The following RCBTB1 variants were observed in gnomAD, a reference collection of about 807,000 sequenced individuals.
The protein encoded by RCBTB1 is RCC1 and BTB domain containing protein 1.
RCBTB1 carries 46 observed loss-of-function variants against 62.4 expected under a neutral mutation model. The observed-to-expected ratio is 0.74, with a 90% CI of 0.58 to 0.94. The LOEUF (loss-of-function observed/expected upper bound fraction) is 0.94, where lower values mean the gene tolerates loss of function less well. RCBTB1 is among the 40% of genes least tolerant of loss of function. RCBTB1 has a pLI of 0.00. For synonymous variants in RCBTB1, 222 were observed against 245.8 expected, an observed-to-expected ratio of 0.90 and a Z score of 0.91; for missense variants, 565 against 654.9, an observed-to-expected ratio of 0.86 and a Z score of 1.50.
At chr13:49,567,513 A>G (rs749115693) in intron 2 of RCBTB1, among the ~76,000 whole-genome samples, 193 bp from the exon 3 acceptor site, 11 of 152,064 alleles carry the variant, frequency 7.2e-5, no homozygotes, top group Non-Finnish European at 1.5e-4. Context: ...GGACTTTCCT[A>G]CAAGAGAATA....
intron 2 of RCBTB1, among the ~76,000 whole-genome samples, chr13:49,571,648 G>C (rs985807304): frequency 2.0e-5 from 3 of 152,152 alleles, no homozygotes; most frequent in Admixed American, 1.3e-4. Flanking sequence ...TCCCTGAGAG[G>C]TTTTGTGGGG....
intron 6 of RCBTB1, 56 bp from the exon 7 acceptor site, chr13:49,552,341 G>A: frequency 8.4e-7 from 1 of 1,197,450 alleles, no homozygotes; most frequent in Admixed American, 2.2e-5. Context: ...TAAGAAGGAA[G>A]AGACAAAAAA....
At chr13:49,574,675 G>T (rs1963649432) in intron 2 of RCBTB1, among the ~76,000 whole-genome samples, 1 of 128,850 alleles carries the variant, frequency 7.8e-6, no homozygotes, top group African/African-American at 2.9e-5. Context: ...AAACCAGATG[G>T]TGATTCCTTA....
At chr13:49,584,547 A>G (rs1964285001) in intron 1 of RCBTB1, among the ~76,000 whole-genome samples, 2 of 152,178 alleles carry the variant, frequency 1.3e-5, no homozygotes, top group Admixed American at 1.3e-4. Context: ...TCAGGATTCA[A>G]TCATTTTTCC....
chr13:49,546,144 C>CAA (rs113825223), intron 9 of RCBTB1: 24 of 979,206 alleles, frequency 2.5e-5, no homozygotes, highest in African/African-American at 2.3e-4. Flanking sequence ...CCCACCCATC[C>CAA]AAAAAAAAAC....
At chr13:49,535,779 C>A (rs1959891041) in intron 12 of RCBTB1, among the ~76,000 whole-genome samples, 1 of 152,094 alleles carries the variant, frequency 6.6e-6, no homozygotes, top group South Asian at 2.1e-4. Context: ...AATCTCAGCA[C>A]TTTGGGAGGC....
intron 12 of RCBTB1, among the ~76,000 whole-genome samples, chr13:49,540,102 CT>C (rs748750585): frequency 7.2e-5 from 11 of 152,218 alleles, no homozygotes; most frequent in Non-Finnish European, 1.6e-4. Context: ...CTCTCTGAAT[CT>C]GTGAAACCAA....
chr13:49,551,522 G>T lies in RCBTB1; in HGVS notation c.712-54C>A, dbSNP rs912599052. 2.5e-6 allele frequency: 4 copies of T among 1,600,920 alleles called. No individual in the cohort carries two copies. The African/African-American group carries it at 4.0e-5, about 16-fold the overall frequency. Reference sequence around the variant, plus strand: ...AGCAGGAAAACAGGAAGGGCAGGGAGAACATCTACTTAAAGGCTATAGCCA... The same window carrying T: ...AGCAGGAAAACAGGAAGGGCAGGGATAACATCTACTTAAAGGCTATAGCCA... On this transcript the variant is annotated intron_variant, in intron 7 of 12. Coordinates refer to ENST00000378302, the MANE Select transcript of RCBTB1 (RefSeq NM_018191.4).
intron 2 of RCBTB1, among the ~76,000 whole-genome samples, chr13:49,577,297 G>A (rs1205076100): frequency 6.6e-6 from 1 of 152,090 alleles, no homozygotes; most frequent in South Asian, 2.1e-4. Context: ...ATTAAGGAAA[G>A]GCTAATTTTA....
At position 49,549,487 on chromosome 13, in the gene RCBTB1, G is replaced by C. The variant is rs763200325; in HGVS notation, c.1016C>G (p.Pro339Arg). 3.7e-6 allele frequency: 6 copies of C among 1,612,684 alleles called. No individual in the cohort carries two copies. In the African/African-American group the frequency reaches 8.0e-5, roughly 22 times the overall value. Residue 339 changes from proline (P) to arginine (R), a missense_variant, in exon 9 of 13, where the codon CCC (proline) becomes CGC (arginine). Coordinates refer to ENST00000378302, the MANE Select transcript of RCBTB1 (RefSeq NM_018191.4). ...TDDVFACFAT[P>R]AVSWRLLSVE... is the part of the protein sequence containing the mutation. ...AGACAGGAGGCGCCACGAGACGGCG[G>C]GAGTGGCAAAGCAGGCAAACACGTC...
chr13:49,584,449 G>C (rs553717779), intron 1 of RCBTB1, among the ~76,000 whole-genome samples: 40 of 152,250 alleles, frequency 2.6e-4, no homozygotes, highest in Non-Finnish European at 4.4e-4. Flanking sequence ...TTACATCCTC[G>C]ACCCTGAAAG....
In RCBTB1 at chr13:49,541,708, T is replaced by A; in HGVS notation, c.1292A>T (p.Asp431Val). 6.2e-7 allele frequency: 1 copy of A among 1,613,202 alleles called. No homozygotes were observed. The highest frequency in any genetic ancestry group is 8.5e-7 in the Non-Finnish European group (1 of 1,179,744). Residue 431 changes from aspartate to valine, a missense_variant, in exon 11 of 13, where the codon GAC becomes GTC. Coordinates refer to ENST00000378302, the MANE Select transcript of RCBTB1 (RefSeq NM_018191.4). ...YRAFLQYLYT[D>V]TVDLPPEDAI... is the part of the protein sequence containing the mutation. The stretch of plus-strand genomic sequence containing the variant: ...ATCTTCTGGCGGCAGGTCGACTGTG[T>A]CTGTGTAGAGGTACTGGAGAAAGGC...
At chr13:49,544,021 TAGAAAC>T (rs1366116093) in intron 10 of RCBTB1, among the ~76,000 whole-genome samples, 2 of 152,228 alleles carry the variant, frequency 1.3e-5, no homozygotes, top group Admixed American at 1.3e-4. Context: ...GCATGTCCCT[TAGAAAC>T]AGAAGCACAG....
In RCBTB1 at chr13:49,549,489, A is replaced by G. The variant is rs62637574; in HGVS notation, c.1014T>C (p.Thr338=). The change falls in exon 9 of 13, where the codon ACT becomes ACC. Residue 338 remains threonine (T), a synonymous_variant. Coordinates refer to ENST00000378302, the MANE Select transcript of RCBTB1 (RefSeq NM_018191.4). ...ACAGGAGGCGCCACGAGACGGCGGG[A>G]GTGGCAAAGCAGGCAAACACGTCGT... is the stretch of plus-strand genomic sequence containing the variant. ...CTDDVFACFA[T]PAVSWRLLSV... is the part of the protein sequence containing the mutation. 3.2e-3 allele frequency: 5,157 copies of G among 1,612,618 alleles called. 149 individuals carry two copies. The African/African-American group carries it at 0.058, about 18-fold the overall frequency.
intron 6 of RCBTB1, among the ~76,000 whole-genome samples, chr13:49,553,396 G>A (rs1280124359): frequency 1.3e-5 from 2 of 152,166 alleles, no homozygotes; most frequent in African/African-American, 4.8e-5. Context: ...GGTGAGCTCT[G>A]ATGAGGCTCT....
At chr13:49,579,046 C>A (rs1963944739) in intron 2 of RCBTB1, among the ~76,000 whole-genome samples, 1 of 152,178 alleles carries the variant, frequency 6.6e-6, no homozygotes, top group Admixed American at 6.5e-5. Context: ...GTTACTCTTA[C>A]CAATTTCTTA....
chr13:49,569,585 G>A (rs544765805), intron 2 of RCBTB1, among the ~76,000 whole-genome samples: 7 of 152,022 alleles, frequency 4.6e-5, no homozygotes, highest in Admixed American at 1.3e-4. Flanking sequence ...CGGTAGTGGC[G>A]CATGCCTGTA....
intron 4 of RCBTB1, among the ~76,000 whole-genome samples, chr13:49,566,389 T>C (rs554466825): frequency 5.9e-5 from 9 of 152,322 alleles, no homozygotes; most frequent in South Asian, 2.1e-4. Context: ...CACAGCTTTA[T>C]GGAGGCAGTC....
chr13:49,541,942 G>A (rs947329739), intron 10 of RCBTB1, 115 bp from the exon 11 acceptor site: 14 of 1,211,888 alleles, frequency 1.2e-5, no homozygotes, highest in South Asian at 4.8e-5. Flanking sequence ...TGGGCCGGGC[G>A]TGGTGGCTCA....
Sources: allele counts gnomAD v4.1 joint callset (sites outside exome capture counted in the v4.1 genomes callset), GRCh38; gene constraint gnomAD v4.1.1; transcripts MANE v1.5; gene names NCBI Gene and HGNC (gene_info 2026-07-23, HGNC 2026-07-21).